FAM161A: variants seen among roughly 807,000 people sequenced by gnomAD.
The protein encoded by FAM161A is FAM161 centrosomal protein A, also known as protein FAM161A.
A neutral mutation model predicts 70.9 loss-of-function variants in FAM161A; 57 were observed. The observed-to-expected ratio is 0.80, with a 90% confidence interval of 0.65 to 1.00. The LOEUF (loss-of-function observed/expected upper bound fraction) is 1.00, where lower values mean the gene tolerates loss of function less well. FAM161A is among the 50% of genes least tolerant of loss of function. FAM161A has a pLI of 0.00. For synonymous variants in FAM161A, 299 were observed against 295.7 expected (o/e 1.01, Z -0.12); for missense variants, 880 against 836.0 (o/e 1.05, Z -0.65).
At chr2:61,816,002 C>A in the FAM161A span, among the ~76,000 whole-genome samples, 1 of 152,140 alleles carries the variant, frequency 6.6e-6, no homozygotes, top group African/African-American at 2.4e-5. Flanking sequence ...AAATCAATGT[C>A]TTTTCTTGAG....
chr2:61,842,790 C>T (rs1673067580), intron 1 of FAM161A, among the ~76,000 whole-genome samples: 1 of 152,210 alleles, frequency 6.6e-6, no homozygotes, highest in Non-Finnish European at 1.5e-5. Flanking sequence ...TCCAGCTGCG[C>T]TCCTGCAGTG....
At chr2:61,836,370 C>A in intron 4 of FAM161A, 1 of 328,394 alleles carries the variant, frequency 3.0e-6, no homozygotes, top group Non-Finnish European at 5.6e-6. Flanking sequence ...ATAGTCTGGA[C>A]ACTTTAATTT....
At chr2:61,831,883 C>T (rs1035891600) in intron 5 of FAM161A, among the ~76,000 whole-genome samples, 38 of 151,924 alleles carry the variant, frequency 2.5e-4, no homozygotes, top group African/African-American at 8.9e-4. Flanking sequence ...ATATGATAGA[C>T]AAGAGGCTAA....
intron 5 of FAM161A, among the ~76,000 whole-genome samples, chr2:61,831,336 ATTCCCAGGTTATGTACCTGCTCCCT>A (rs1281875676): frequency 6.6e-6 from 1 of 151,788 alleles, no homozygotes; most frequent in Non-Finnish European, 1.5e-5. Flanking sequence ...AAATATTAGT[ATTCCCAGGTTATGTACCTGCTCCCT>A]GGAATTGAGG....
At chr2:61,849,402 G>C (rs913046490) in intron 1 of FAM161A, among the ~76,000 whole-genome samples, 4 of 151,398 alleles carry the variant, frequency 2.6e-5, no homozygotes, top group African/African-American at 4.9e-5. Flanking sequence ...CACTATGGGA[G>C]GCCGAGGAGG....
chr2:61,846,909 A>C, intron 1 of FAM161A: 2 of 454,744 alleles, frequency 4.4e-6, no homozygotes, highest in South Asian at 3.1e-5. Flanking sequence ...GGCCAGGCAC[A>C]GTGGTTCATG....
intron 5 of FAM161A, among the ~76,000 whole-genome samples, chr2:61,832,882 G>A (rs1259397756): frequency 6.6e-6 from 1 of 152,090 alleles, no homozygotes; most frequent in Non-Finnish European, 1.5e-5. Flanking sequence ...AGTCTCTAGC[G>A]CCAAAAAGGT....
chr2:61,842,141 A>G lies in FAM161A; in HGVS notation c.403T>C (p.Ser135Pro), dbSNP rs1324436537. The G allele has an allele frequency of 1.3e-6, 2 of 1,597,266 alleles. No individual in the cohort carries two copies. Among genetic ancestry groups the G allele is most frequent in the Non-Finnish European group, 8.6e-7 (1 of 1,164,844 alleles). ...EVQPVVIRED[S>P]LSDSSRSVSE... is the part of the protein sequence containing the mutation. The stretch of plus-strand genomic sequence containing the variant: ...GCTTACCTGGAAGAGTCACTAAGAG[A>G]GTCTTCTCTGATGACCACTGGCTGA... The change falls in exon 2 of 7, where the codon TCT becomes CCT. Residue 135 changes from serine (S) to proline (P), a missense_variant. Transcript: ENST00000404929.
At chr2:61,811,903 C>T in the FAM161A span, among the ~76,000 whole-genome samples, 1 of 152,168 alleles carries the variant, frequency 6.6e-6, no homozygotes, top group Non-Finnish European at 1.5e-5. Context: ...TTACTGTGTC[C>T]TAGAAGGCCC....
chr2:61,820,649 A>C, downstream of FAM161A: 1 of 549,454 alleles, frequency 1.8e-6, no homozygotes, highest in South Asian at 1.9e-5. Flanking sequence ...ATGTGTGATG[A>C]TGGTATTAGA....
intron 1 of FAM161A, among the ~76,000 whole-genome samples, chr2:61,852,098 C>T (rs1305234394): frequency 6.6e-6 from 1 of 152,122 alleles, no homozygotes; most frequent in East Asian, 1.9e-4. Context: ...CCCACTGTGG[C>T]AGCTTACCCA....
chr2:61,840,044 G>A lies in FAM161A; in HGVS notation c.960C>T (p.Ala320=), dbSNP rs779597224. ...CTATAAATTTAAATGGCTTTTGTGA[G>A]GCCAAAAGAGCTTCTTTGCTTTTCT... ...LKEKSKEALL[A]SQKPFKFIAR... Residue 320 remains alanine (A), a synonymous_variant, in exon 3 of 7, where the codon GCC becomes GCT. Coordinates refer to ENST00000404929, the MANE Select transcript of FAM161A (RefSeq NM_001201543.2). 3 of 1,614,106 alleles carry A rather than the reference G, an allele frequency of 1.9e-6. No homozygotes were observed. In the South Asian group the frequency reaches 3.3e-5, roughly 18 times the overall value.
chr2:61,829,801 T>C (rs969974939), intron 5 of FAM161A, among the ~76,000 whole-genome samples: 10 of 152,308 alleles, frequency 6.6e-5, no homozygotes, highest in Admixed American at 3.9e-4. Flanking sequence ...CAGGACAACA[T>C]AGTTTATTCT....
intron 5 of FAM161A, among the ~76,000 whole-genome samples, chr2:61,831,857 C>A (rs972337844): frequency 2.6e-5 from 4 of 152,006 alleles, no homozygotes; most frequent in African/African-American, 4.8e-5. Flanking sequence ...CAAAGATAAT[C>A]TGAGGAAAGC....
chr2:61,840,915 G>A (rs1317215550), intron 2 of FAM161A, among the ~76,000 whole-genome samples: 1 of 152,194 alleles, frequency 6.6e-6, no homozygotes, highest in African/African-American at 2.4e-5. Context: ...CTCCCAAAGT[G>A]CTGAGATTAC....
intron 4 of FAM161A, 96 bp downstream of exon 4, chr2:61,838,442 G>A: frequency 9.8e-7 from 1 of 1,022,344 alleles, no homozygotes; most frequent in Non-Finnish European, 1.5e-6. Flanking sequence ...AAACACTAAT[G>A]CTATTTTCAA....
chr2:61,801,043 T>C, the FAM161A span, among the ~76,000 whole-genome samples: 1 of 151,730 alleles, frequency 6.6e-6, no homozygotes, highest in Non-Finnish European at 1.5e-5. Flanking sequence ...GAACTGCCTG[T>C]CTCAGCCTCC....
chr2:61,803,262 T>G, the FAM161A span: 1 of 623,718 alleles, frequency 1.6e-6, no homozygotes, highest in Non-Finnish European at 3.0e-6. Flanking sequence ...CATTCAGAAC[T>G]CATGCTGGTG....
chr2:61,823,190 A>T (rs1672242482), downstream of FAM161A, among the ~76,000 whole-genome samples: 2 of 151,264 alleles, frequency 1.3e-5, no homozygotes, highest in South Asian at 4.2e-4. Context: ...AAAATTAGCC[A>T]GGCGTGGTGG....
Sources: allele counts gnomAD v4.1 joint callset (sites outside exome capture counted in the v4.1 genomes callset), GRCh38; gene constraint gnomAD v4.1.1; transcripts MANE v1.5; gene names NCBI Gene and HGNC (gene_info 2026-07-23, HGNC 2026-07-21).